The following ADARB2 variants were observed in gnomAD, a reference collection of about 807,000 sequenced individuals.
ADARB2 encodes the protein inactive double-stranded RNA-specific editase B2.
Under a neutral mutation model 62.2 loss-of-function variants are expected in ADARB2, and 25 were observed. The ratio of observed to expected loss-of-function variants is 0.40; its 90% CI spans 0.29 to 0.56. The LOEUF (loss-of-function observed/expected upper bound fraction) is 0.56, where lower values mean the gene tolerates loss of function less well. ADARB2 is among the 20% of genes least tolerant of loss of function. The pLI, the probability that ADARB2 is intolerant of heterozygous loss-of-function variation, is 0.43. For missense variants in ADARB2, 1,071 were observed against 1,077.4 expected, an observed-to-expected ratio of 0.99 and a Z score of 0.08; for synonymous variants, 572 against 500.8, an observed-to-expected ratio of 1.14 and a Z score of -1.90.
rs796359555 is a variant in ADARB2 at position 1,717,693 on chromosome 10, C to T, written c.100+19358G>A. ...CCCGGGTTCAGGAGATTCTCCCGCC[C>T]CAGACTCCCGAGTAGCTGGGACTAC... On this transcript the variant is annotated intron_variant, in intron 1 of 9. Coordinates refer to ENST00000381312, the MANE Select transcript of ADARB2 (RefSeq NM_018702.4). Among the ~76,000 whole-genome samples, 34 of 152,002 alleles carry T rather than the reference C, an allele frequency of 2.2e-4. No individual in the cohort carries two copies. In the South Asian group the frequency reaches 4.8e-3, roughly 21 times the overall value.
chr10:1,265,859 G>A (rs1274592172), intron 4 of ADARB2, among the ~76,000 whole-genome samples: 21 of 119,306 alleles, frequency 1.8e-4, no homozygotes, highest in African/African-American at 5.5e-4. Context: ...CCAGGTCCAC[G>A]CTCCCCCGGA....
intron 1 of ADARB2, among the ~76,000 whole-genome samples, chr10:1,512,006 T>C (rs935294638): frequency 6.1e-5 from 9 of 147,494 alleles, no homozygotes; most frequent in South Asian, 2.2e-4. Context: ...GCTGTCTACA[T>C]TGGATACCAA....
intron 1 of ADARB2, among the ~76,000 whole-genome samples, chr10:1,667,604 G>A (rs1834330091): frequency 6.6e-6 from 1 of 152,300 alleles, no homozygotes; most frequent in Admixed American, 6.5e-5. Flanking sequence ...TCAAAGGGGT[G>A]TTTACCATAA....
chr10:1,615,573 C>T (rs1833621475), intron 1 of ADARB2, among the ~76,000 whole-genome samples: 2 of 152,220 alleles, frequency 1.3e-5, no homozygotes. Flanking sequence ...GCACAGAACG[C>T]ACAGACTCGA....
chr10:1,383,584 G>A (rs1453392158), intron 1 of ADARB2, among the ~76,000 whole-genome samples: 1 of 152,182 alleles, frequency 6.6e-6, no homozygotes, highest in Non-Finnish European at 1.5e-5. Context: ...TTAAGAACAT[G>A]TGGTTGAAGT....
intron 4 of ADARB2, among the ~76,000 whole-genome samples, chr10:1,244,113 G>A (rs1430636846): frequency 6.6e-6 from 1 of 152,240 alleles, no homozygotes; most frequent in African/African-American, 2.4e-5. Flanking sequence ...AAGTTGACGA[G>A]CAGATGGGAC....
At chr10:1,204,244 C>T (rs883248) in intron 7 of ADARB2, among the ~76,000 whole-genome samples, 73,610 of 151,976 alleles carry the variant, frequency 0.48, 20,413 homozygotes, top group East Asian at 0.72. Flanking sequence ...TTCTGGGGGC[C>T]TTTCAAGGTG....
chr10:1,568,949 C>A (rs1832897358), intron 1 of ADARB2, among the ~76,000 whole-genome samples: 1 of 152,026 alleles, frequency 6.6e-6, no homozygotes, highest in Non-Finnish European at 1.5e-5. Flanking sequence ...GTATGATGAC[C>A]TGGAAGGATC....
At chr10:1,425,136 T>C (rs1017667360) in intron 1 of ADARB2, among the ~76,000 whole-genome samples, 2 of 152,142 alleles carry the variant, frequency 1.3e-5, no homozygotes, top group African/African-American at 4.8e-5. Flanking sequence ...TTTTGCTCCA[T>C]GGTATTTTAA....
rs528269942 is a variant in ADARB2 at position 1,552,899 on chromosome 10, T to C, written c.101-173739A>G. ...TCTGTATGTTTTGGTTTTTACCTCC[T>C]GTGGAACGGAACCCTTAATTAATTC... On this transcript the variant is annotated intron_variant, in intron 1 of 9. Coordinates refer to ENST00000381312, the MANE Select transcript of ADARB2 (RefSeq NM_018702.4). 2.4e-4 allele frequency among the ~76,000 whole-genome samples: 35 copies of C among 145,864 alleles called. No homozygotes were observed. In the Middle Eastern group the frequency reaches 0.01, roughly 44 times the overall value.
Position 1,178,489 on chromosome 10 carries a change from T to C in ADARB2, c.*4704A>G, listed in dbSNP as rs17156036. ...GAATTTGTGGGAGAAGTTTGACGGGTCACCAGCAGCCCAGTGTTTCCAGAA... is the reference window on the plus strand; with the variant it reads ...GAATTTGTGGGAGAAGTTTGACGGGCCACCAGCAGCCCAGTGTTTCCAGAA... On this transcript the variant is annotated 3_prime_UTR_variant, in exon 10 of 10. Coordinates refer to ENST00000381312, the MANE Select transcript of ADARB2 (RefSeq NM_018702.4). 0.24 allele frequency: 36,954 copies of C among 152,158 alleles called. 4,533 individuals are homozygous for C. The highest frequency in any genetic ancestry group is 0.32 in the Middle Eastern group (95 of 294). The allele number at this position is 152,158 out of a possible 1,614,324, so 9.4% of individuals were successfully genotyped here. A position where few individuals can be genotyped will look rare whatever the true frequency, so the allele number is the denominator to read the frequency against.
chr10:1,232,344 CTGTG>C (rs1300724237), intron 6 of ADARB2, among the ~76,000 whole-genome samples: 2 of 151,834 alleles, frequency 1.3e-5, no homozygotes, highest in African/African-American at 2.4e-5. Context: ...GTTGTATATG[CTGTG>C]TGTGGTGTGT....
At chr10:1,436,928 T>C (rs1830840799) in intron 1 of ADARB2, among the ~76,000 whole-genome samples, 1 of 152,204 alleles carries the variant, frequency 6.6e-6, no homozygotes, top group African/African-American at 2.4e-5. Context: ...TTCATGCTAT[T>C]TGGATAAAAA....
chr10:1,184,567 C>T (rs1254009810), intron 9 of ADARB2, among the ~76,000 whole-genome samples: 1 of 152,214 alleles, frequency 6.6e-6, no homozygotes, highest in Non-Finnish European at 1.5e-5. Context: ...TTCTGGGACA[C>T]CCCGAACAAA....
At chr10:1,726,928 G>C (rs535947768) in intron 1 of ADARB2, among the ~76,000 whole-genome samples, 27 of 152,128 alleles carry the variant, frequency 1.8e-4, no homozygotes, top group Non-Finnish European at 3.4e-4. Flanking sequence ...CAGAGACCAC[G>C]GAGAAGGCAA....
At chr10:1,424,442 C>T (rs546016941) in intron 1 of ADARB2, among the ~76,000 whole-genome samples, 7 of 152,284 alleles carry the variant, frequency 4.6e-5, no homozygotes, top group South Asian at 2.1e-4. Context: ...GCCTCTTCCT[C>T]GTGTTTAATG....
intron 3 of ADARB2, among the ~76,000 whole-genome samples, chr10:1,280,693 G>A (rs1279452243): frequency 2.6e-5 from 4 of 151,774 alleles, no homozygotes; most frequent in African/African-American, 9.7e-5. Context: ...AAATTCCTAA[G>A]TGATGCTCTG....
intron 3 of ADARB2, among the ~76,000 whole-genome samples, chr10:1,277,234 G>A (rs1299149113): frequency 6.6e-6 from 1 of 152,160 alleles, no homozygotes; most frequent in Non-Finnish European, 1.5e-5. Flanking sequence ...AAAGCTAGCA[G>A]AAGGCAAGAA....
intron 1 of ADARB2, among the ~76,000 whole-genome samples, chr10:1,658,001 G>T (rs557388137): frequency 1.1e-4 from 16 of 151,002 alleles, no homozygotes; most frequent in Admixed American, 2.0e-4. Context: ...CTCTTTCTGT[G>T]TCTCTCTGTC....
Sources: allele counts gnomAD v4.1 joint callset (sites outside exome capture counted in the v4.1 genomes callset), GRCh38; gene constraint gnomAD v4.1.1; transcripts MANE v1.5; gene names NCBI Gene and HGNC (gene_info 2026-07-23, HGNC 2026-07-21).